The following ZSWIM6 variants were observed in gnomAD, a reference collection of about 807,000 sequenced individuals.
ZSWIM6 encodes zinc finger SWIM-type containing 6.
In ZSWIM6, 9 loss-of-function variants were observed where a neutral mutation model predicts 113.2. The observed-to-expected ratio is 0.08, with a 90% confidence interval of 0.05 to 0.14. The LOEUF (loss-of-function observed/expected upper bound fraction) is 0.14, where lower values mean the gene tolerates loss of function less well. Among genes scored for constraint, ZSWIM6 ranks in the 10% least tolerant of loss-of-function variants. ZSWIM6 has a pLI of 1.00. For missense variants in ZSWIM6, 1,162 were observed against 1,552.2 expected (o/e 0.75, Z 4.22); for synonymous variants, 611 against 606.5 (o/e 1.01, Z -0.11).
chr5:61,332,791 TGCCGCCGCCGCCGCCGCCGCC>T lies in ZSWIM6; in HGVS notation c.531_551del (p.Ala178_Ala184del). The T allele has an allele frequency of 9.1e-6, 7 of 766,802 alleles. No individual in the cohort carries two copies. The highest frequency in any genetic ancestry group is 6.8e-5 in the South Asian group (1 of 14,680). 47.5% of individuals were successfully genotyped at this position (766,802 alleles called of 1,614,324 possible). On this transcript the variant is annotated inframe_deletion, in exon 1 of 14. Coordinates refer to ENST00000252744, the MANE Select transcript of ZSWIM6 (RefSeq NM_020928.2). ...CCGCAACCTCGGCCGCCGCCGCCGC[TGCCGCCGCCGCCGCCGCCGCC>T]GCCGCCGCCGCGGGGGCCGGGGCCC...
chr5:61,385,297 G>A (rs1446744087), intron 1 of ZSWIM6, among the ~76,000 whole-genome samples: 1 of 152,180 alleles, frequency 6.6e-6, no homozygotes, highest in East Asian at 1.9e-4. Context: ...GTTTAAAGGA[G>A]TTCTCCCAAG....
At chr5:61,424,579 C>G (rs144792350) in intron 1 of ZSWIM6, among the ~76,000 whole-genome samples, 16 of 152,146 alleles carry the variant, frequency 1.1e-4, no homozygotes, top group Non-Finnish European at 1.5e-5. Context: ...CAGAATCTTT[C>G]GAACCTCGAA....
chr5:61,335,868 T>C (rs1744381173), intron 1 of ZSWIM6, among the ~76,000 whole-genome samples: 1 of 152,226 alleles, frequency 6.6e-6, no homozygotes, highest in Non-Finnish European at 1.5e-5. Context: ...AAATAAACCT[T>C]TGTTATAGTA....
At chr5:61,469,968 A>G (rs1747529543) in intron 1 of ZSWIM6, among the ~76,000 whole-genome samples, 1 of 152,136 alleles carries the variant, frequency 6.6e-6, no homozygotes, top group Non-Finnish European at 1.5e-5. Flanking sequence ...CGGCCTCCCA[A>G]AGTGCTGGGA....
intron 1 of ZSWIM6, among the ~76,000 whole-genome samples, chr5:61,347,944 G>A (rs576508915): frequency 6.6e-5 from 10 of 152,258 alleles, no homozygotes; most frequent in East Asian, 5.8e-4. Flanking sequence ...GATTTGGGCC[G>A]GGCATGGTGG....
chr5:61,502,595 AG>A (rs1748502654), intron 4 of ZSWIM6, among the ~76,000 whole-genome samples: 1 of 152,210 alleles, frequency 6.6e-6, no homozygotes. Context: ...GGCTTTTAAT[AG>A]GTACTCTTGT....
chr5:61,480,843 C>T (rs910040112), intron 2 of ZSWIM6, among the ~76,000 whole-genome samples: 5 of 152,028 alleles, frequency 3.3e-5, no homozygotes, highest in African/African-American at 1.2e-4. Context: ...TAAGACAGGT[C>T]GACCAAGGCC....
intron 10 of ZSWIM6, among the ~76,000 whole-genome samples, chr5:61,536,285 A>G (rs1749571598): frequency 6.6e-6 from 1 of 152,222 alleles, no homozygotes; most frequent in African/African-American, 2.4e-5. Flanking sequence ...AAGTTATTTC[A>G]CATAATAATT....
intron 1 of ZSWIM6, among the ~76,000 whole-genome samples, chr5:61,465,805 A>T (rs1176212085): frequency 6.6e-6 from 1 of 152,184 alleles, no homozygotes; most frequent in African/African-American, 2.4e-5. Flanking sequence ...TTGAGTTCTA[A>T]ATAGGCATTT....
chr5:61,332,338 C>T lies in ZSWIM6; in HGVS notation c.66C>T (p.Gly22=), dbSNP rs1744266796. 1.9e-6 allele frequency: 2 copies of T among 1,069,046 alleles called. No homozygotes were observed. The highest frequency in any genetic ancestry group is 1.7e-5 in the African/African-American group (1 of 59,482). 66.2% of individuals were successfully genotyped at this position (1,069,046 alleles called of 1,614,324 possible). A position where few individuals can be genotyped will look rare whatever the true frequency, so the allele number is the denominator to read the frequency against. ...TTTGCTGCCGGCCGGGCGGCGGCGG[C>T]GGCGGCGGGGGCAGCAGCGGCGGCG... ...KRLCCRPGGG[G]GGGGSSGGGG... Residue 22 remains glycine (G), a synonymous_variant, in exon 1 of 14, where the codon GGC becomes GGT. Transcript: ENST00000252744.
At chr5:61,485,399 T>A (rs577972591) in intron 2 of ZSWIM6, among the ~76,000 whole-genome samples, 155 of 152,330 alleles carry the variant, frequency 1.0e-3, no homozygotes, top group Non-Finnish European at 1.9e-3. Flanking sequence ...AGCTTCCTCC[T>A]TGAAATCCTC....
chr5:61,498,435 G>T (rs1748378884), intron 4 of ZSWIM6, among the ~76,000 whole-genome samples: 1 of 152,150 alleles, frequency 6.6e-6, no homozygotes, highest in African/African-American at 2.4e-5. Flanking sequence ...CTCATCTGGA[G>T]ACCTAATTCT....
chr5:61,533,500 T>A (rs1436969394), intron 9 of ZSWIM6, among the ~76,000 whole-genome samples: 1 of 152,194 alleles, frequency 6.6e-6, no homozygotes, highest in African/African-American at 2.4e-5. Context: ...GTGCCAAATA[T>A]CAAGTTGTCA....
At chr5:61,480,647 A>C (rs1432993367) in intron 2 of ZSWIM6, among the ~76,000 whole-genome samples, 1 of 152,206 alleles carries the variant, frequency 6.6e-6, no homozygotes, top group Non-Finnish European at 1.5e-5. Context: ...AGGAGACTTT[A>C]ATTCAGGATA....
intron 2 of ZSWIM6, among the ~76,000 whole-genome samples, chr5:61,485,971 AT>A (rs1301768369): frequency 6.6e-6 from 1 of 151,702 alleles, no homozygotes; most frequent in East Asian, 1.9e-4. Context: ...GTTTATTATC[AT>A]TTTTTATTTG....
chr5:61,359,042 G>A (rs574964181), intron 1 of ZSWIM6, among the ~76,000 whole-genome samples: 9 of 152,236 alleles, frequency 5.9e-5, no homozygotes, highest in Non-Finnish European at 1.3e-4. Context: ...CATTAAGAGC[G>A]CAATACATAT....
At chr5:61,410,972 G>T (rs911308489) in intron 1 of ZSWIM6, among the ~76,000 whole-genome samples, 1 of 152,110 alleles carries the variant, frequency 6.6e-6, no homozygotes, top group Non-Finnish European at 1.5e-5. Flanking sequence ...TTATGAAGAC[G>T]TAAGAATATT....
chr5:61,432,866 C>A (rs1746616892), intron 1 of ZSWIM6, among the ~76,000 whole-genome samples: 1 of 152,160 alleles, frequency 6.6e-6, no homozygotes. Flanking sequence ...AACAGTCCAC[C>A]TGTAAATATT....
At chr5:61,368,613 T>G (rs1462548521) in intron 1 of ZSWIM6, among the ~76,000 whole-genome samples, 2 of 152,236 alleles carry the variant, frequency 1.3e-5, no homozygotes, top group African/African-American at 4.8e-5. Flanking sequence ...CCTTTTAAAT[T>G]ATCAGTTTGC....
Sources: allele counts gnomAD v4.1 joint callset (sites outside exome capture counted in the v4.1 genomes callset), GRCh38; gene constraint gnomAD v4.1.1; transcripts MANE v1.5; gene names NCBI Gene and HGNC (gene_info 2026-07-23, HGNC 2026-07-21).